Variants in NRIP1 observed in about 807,000 individuals in gnomAD.
NRIP1 encodes nuclear receptor-interacting protein 1.
In NRIP1, 28 loss-of-function variants were observed where a neutral mutation model predicts 75.0. The observed-to-expected ratio is 0.37, with a 90% CI of 0.28 to 0.51. NRIP1 has a LOEUF of 0.51. Among genes scored for constraint, NRIP1 ranks in the 20% least tolerant of loss-of-function variants. The probability of loss-of-function intolerance (pLI) is 0.92; values close to 1 mark genes in which losing one functional copy is unlikely to be tolerated. For missense variants in NRIP1, 1,435 were observed against 1,343.7 expected (o/e 1.07, Z -1.06); for synonymous variants, 526 against 487.6 (o/e 1.08, Z -1.04).
intron 2 of NRIP1, among the ~76,000 whole-genome samples, chr21:15,042,064 C>G (rs543328425): frequency 3.2e-4 from 48 of 152,186 alleles, no homozygotes; most frequent in African/African-American, 1.1e-3. Context: ...GCTGGGGAGA[C>G]TTATTAAAAG....
intron 2 of NRIP1, among the ~76,000 whole-genome samples, chr21:15,040,239 A>G (rs1289531493): frequency 1.3e-5 from 2 of 152,106 alleles, no homozygotes; most frequent in Non-Finnish European, 2.9e-5. Flanking sequence ...ATAATTTTAT[A>G]TTGATTATTC....
At chr21:14,998,805 A>G (rs569001874) in intron 3 of NRIP1, among the ~76,000 whole-genome samples, 23 of 152,320 alleles carry the variant, frequency 1.5e-4, no homozygotes, top group Admixed American at 3.3e-4. Flanking sequence ...TATAATACCT[A>G]TAACATATAA....
intron 1 of NRIP1, chr21:15,050,880 G>A (rs1568732577): frequency 2.2e-6 from 1 of 455,954 alleles, no homozygotes; most frequent in Non-Finnish European, 4.4e-6. Context: ...CCCCTGCCTG[G>A]TATCTACCAG....
chr21:14,992,454 C>T (rs1390654108), intron 3 of NRIP1: 1 of 152,112 alleles, frequency 6.6e-6, no homozygotes, highest in Non-Finnish European at 1.5e-5. Context: ...TTGATGAAAA[C>T]AGTTAAGTGT....
chr21:14,998,407 G>C (rs961273824), intron 3 of NRIP1, among the ~76,000 whole-genome samples: 1 of 152,198 alleles, frequency 6.6e-6, no homozygotes, highest in African/African-American at 2.4e-5. Flanking sequence ...ACTGAAGGAG[G>C]CAAGCATTGC....
At chr21:15,029,250 T>C (rs1006130877) in intron 2 of NRIP1, among the ~76,000 whole-genome samples, 3 of 152,180 alleles carry the variant, frequency 2.0e-5, no homozygotes, top group African/African-American at 7.2e-5. Flanking sequence ...CAAAACTTTC[T>C]AGGGGCTTCC....
chr21:14,996,305 T>C (rs1251940123), intron 3 of NRIP1, among the ~76,000 whole-genome samples: 1 of 152,142 alleles, frequency 6.6e-6, no homozygotes, highest in Admixed American at 6.5e-5. Flanking sequence ...CGTAGCTTCT[T>C]CATTGGACAG....
At chr21:14,982,675 T>C (rs939726226) in intron 3 of NRIP1, among the ~76,000 whole-genome samples, 6 of 152,106 alleles carry the variant, frequency 3.9e-5, no homozygotes, top group African/African-American at 4.8e-5. Context: ...CTTTGCTTCA[T>C]TGTACTTTGC....
intron 3 of NRIP1, among the ~76,000 whole-genome samples, chr21:14,971,753 C>CATTTTT (rs1380940848): frequency 1.3e-5 from 2 of 152,014 alleles, no homozygotes; most frequent in Non-Finnish European, 2.9e-5. Flanking sequence ...ATAAAACAAA[C>CATTTTT]ATTTTTAGTT....
chr21:14,969,333 T>C (rs1166865263), intron 3 of NRIP1, among the ~76,000 whole-genome samples: 1 of 152,184 alleles, frequency 6.6e-6, no homozygotes, highest in African/African-American at 2.4e-5. Context: ...GTCAGGTCCA[T>C]TCCTTACAGA....
At chr21:15,043,765 CA>C (rs758188689) in intron 1 of NRIP1, among the ~76,000 whole-genome samples, 191 bp from the exon 2 acceptor site, 1 of 152,170 alleles carries the variant, frequency 6.6e-6, no homozygotes, top group East Asian at 1.9e-4. Context: ...CCACATGTAA[CA>C]AAACAGCTTT....
In NRIP1 at chr21:14,965,210, T is replaced by G. The variant is rs1056749910; in HGVS notation, c.2983A>C (p.Met995Leu). 1 of 1,613,820 alleles carries G rather than the reference T, an allele frequency of 6.2e-7. No homozygotes were observed. Among genetic ancestry groups the G allele is most frequent in the Non-Finnish European group, 8.5e-7 (1 of 1,179,952 alleles). Residue 995 changes from methionine (M) to leucine (L), a missense_variant, in exon 4 of 4, where the codon ATG becomes CTG. By Grantham distance (15) the Met-to-Leu change is conservative. Coordinates refer to ENST00000318948, the MANE Select transcript of NRIP1 (RefSeq NM_003489.4). The stretch of plus-strand genomic sequence containing the variant: ...GGGTATGAAAATGTCCTGTTATCCA[T>G]GCAACTGCTGGGCTGAGTGGAACTG... ...MYSSTQPSSCMDNRTFSYPGV... is the reference protein window; with the variant it reads ...MYSSTQPSSCLDNRTFSYPGV...
chr21:14,971,406 CGAG>C (rs1019143095), intron 3 of NRIP1: 3 of 152,128 alleles, frequency 2.0e-5, no homozygotes, highest in Admixed American at 6.5e-5. Flanking sequence ...GAAGGAATCA[CGAG>C]GAGAAGGTCA....
chr21:15,027,398 C>A (rs1400720248), intron 2 of NRIP1, among the ~76,000 whole-genome samples: 1 of 152,160 alleles, frequency 6.6e-6, no homozygotes, highest in African/African-American at 2.4e-5. Context: ...AGAGCTTTGA[C>A]AAGTATCTTG....
chr21:15,015,160 C>G (rs911046318), intron 2 of NRIP1, among the ~76,000 whole-genome samples: 6 of 151,958 alleles, frequency 3.9e-5, no homozygotes, highest in African/African-American at 1.2e-4. Context: ...GTGCAAGAAG[C>G]CAGACAAAAA....
intron 3 of NRIP1, among the ~76,000 whole-genome samples, chr21:14,994,297 G>C (rs1434576389): frequency 6.6e-6 from 1 of 152,106 alleles, no homozygotes; most frequent in African/African-American, 2.4e-5. Context: ...GCTAATTTTT[G>C]TATTTTTAGT....
intron 1 of NRIP1, among the ~76,000 whole-genome samples, chr21:15,046,889 C>T (rs910220014): frequency 6.6e-6 from 1 of 152,184 alleles, no homozygotes; most frequent in Non-Finnish European, 1.5e-5. Context: ...TCCAACTTTT[C>T]TTCTGCAGTT....
chr21:15,051,145 C>T, intron 1 of NRIP1: 3 of 339,456 alleles, frequency 8.8e-6, no homozygotes, highest in South Asian at 6.9e-5. Context: ...GGGGCTTTCT[C>T]ATGTGGCCCT....
chr21:14,997,908 C>T (rs2087768236), intron 3 of NRIP1, among the ~76,000 whole-genome samples: 1 of 152,034 alleles, frequency 6.6e-6, no homozygotes, highest in Non-Finnish European at 1.5e-5. Flanking sequence ...CTTTGCCCAA[C>T]TGTTGAACTA....
Sources: gnomAD v4.1 joint callset for allele counts (sites outside exome capture counted in the v4.1 genomes callset) on GRCh38, gnomAD v4.1.1 for gene constraint, MANE v1.5 for transcripts, NCBI Gene and HGNC (gene_info 2026-07-23, HGNC 2026-07-21) for gene names.